PDE4B: variants seen among roughly 807,000 people sequenced by gnomAD.
PDE4B encodes phosphodiesterase 4B.
PDE4B carries 20 observed loss-of-function variants against 82.2 expected under a neutral mutation model. The observed-to-expected ratio is 0.24, with a 90% CI of 0.17 to 0.35. The LOEUF (loss-of-function observed/expected upper bound fraction) is 0.35, where lower values mean the gene tolerates loss of function less well. PDE4B is among the 10% of genes least tolerant of loss of function. The pLI, the probability that PDE4B is intolerant of heterozygous loss-of-function variation, is 1.00. For synonymous variants in PDE4B, 320 were observed against 318.9 expected, an observed-to-expected ratio of 1.00 and a Z score of -0.04; for missense variants, 655 against 907.2, an observed-to-expected ratio of 0.72 and a Z score of 3.57.
chr1:66,171,185 GA>G (rs1646830401), intron 3 of PDE4B, among the ~76,000 whole-genome samples: 1 of 151,960 alleles, frequency 6.6e-6, no homozygotes, highest in Admixed American at 6.6e-5. Flanking sequence ...AGGATTGGTA[GA>G]AAATATCAGA....
intron 3 of PDE4B, among the ~76,000 whole-genome samples, chr1:65,932,318 C>G (rs1392069607): frequency 6.6e-6 from 1 of 152,014 alleles, no homozygotes. Context: ...AATGATTCAA[C>G]TTTTCTGGGG....
At chr1:66,278,536 G>T (rs1039430399) in intron 7 of PDE4B, among the ~76,000 whole-genome samples, 1 of 152,186 alleles carries the variant, frequency 6.6e-6, no homozygotes, top group Non-Finnish European at 1.5e-5. Context: ...TGGAAGGACA[G>T]TCTCACCAAA....
At chr1:66,106,274 C>T (rs1645353016) in intron 3 of PDE4B, among the ~76,000 whole-genome samples, 1 of 151,440 alleles carries the variant, frequency 6.6e-6, no homozygotes, top group Admixed American at 6.6e-5. Context: ...AGCCTTGCAT[C>T]CCAGGGATGA....
chr1:66,031,069 T>C (rs1653747287), intron 3 of PDE4B, among the ~76,000 whole-genome samples: 1 of 152,146 alleles, frequency 6.6e-6, no homozygotes, highest in African/African-American at 2.4e-5. Flanking sequence ...CACAGGCAAT[T>C]TACCCATGTA....
chr1:65,838,277 CA>C lies in PDE4B; in HGVS notation c.-71+45036del, dbSNP rs1646164410. 4.0e-5 allele frequency among the ~76,000 whole-genome samples: 6 copies of C among 151,714 alleles called. No homozygotes were observed. In the South Asian group the frequency reaches 1.0e-3, roughly 26 times the overall value. On this transcript the variant is annotated intron_variant, in intron 1 of 16. Coordinates refer to ENST00000341517, the MANE Select transcript of PDE4B (RefSeq NM_002600.4). ...TTTGTTATTTTGTGTTCTAGATCAT[CA>C]AAAAAATGAATATTGACAAGAAATT...
intron 3 of PDE4B, among the ~76,000 whole-genome samples, chr1:65,987,583 C>T (rs537818041): frequency 6.6e-6 from 1 of 152,176 alleles, no homozygotes; most frequent in African/African-American, 2.4e-5. Flanking sequence ...GGATCAACTG[C>T]TTAAAAGCTA....
Position 65,795,048 on chromosome 1 carries a change from T to C in PDE4B, c.-71+1800T>C, listed in dbSNP as rs79246648. Among the ~76,000 whole-genome samples, 7 of 152,360 alleles carry C rather than the reference T, an allele frequency of 4.6e-5. No individual in the cohort carries two copies. In the East Asian group the frequency reaches 1.2e-3, roughly 25 times the overall value. On this transcript the variant is annotated intron_variant, in intron 1 of 16. Transcript: ENST00000341517. ...GATTTGAGGAATAAGAAATCAATCA[T>C]ACATGGTTTTCTGATCTTGGAGTCC...
At chr1:65,845,593 G>A (rs1424355750) in intron 1 of PDE4B, among the ~76,000 whole-genome samples, 4 of 152,108 alleles carry the variant, frequency 2.6e-5, no homozygotes, top group Non-Finnish European at 5.9e-5. Context: ...AATGTGGGCG[G>A]AATGAAGGAA....
At chr1:66,056,541 A>G (rs1437568709) in intron 3 of PDE4B, among the ~76,000 whole-genome samples, 1 of 151,182 alleles carries the variant, frequency 6.6e-6, no homozygotes, top group African/African-American at 2.4e-5. Flanking sequence ...TCATCTATCT[A>G]TCTATCTATC....
At chr1:65,875,827 G>A (rs577556559) in intron 1 of PDE4B, among the ~76,000 whole-genome samples, 1 of 150,374 alleles carries the variant, frequency 6.7e-6, no homozygotes, top group Non-Finnish European at 1.5e-5. Context: ...GGGAGGGATA[G>A]CATTGGGAGG....
intron 1 of PDE4B, among the ~76,000 whole-genome samples, chr1:65,907,075 T>C (rs1647035069): frequency 6.6e-6 from 1 of 152,194 alleles, no homozygotes; most frequent in African/African-American, 2.4e-5. Flanking sequence ...TAAAATGACC[T>C]TTCTTATTAC....
intron 1 of PDE4B, among the ~76,000 whole-genome samples, chr1:65,892,121 C>G (rs975199384): frequency 7.9e-5 from 12 of 152,048 alleles, no homozygotes; most frequent in Non-Finnish European, 1.5e-4. Context: ...CCATAGATTA[C>G]AGAATTCTAG....
chr1:66,165,362 G>A lies in PDE4B; in HGVS notation c.282-82098G>A, dbSNP rs138661823. Among the ~76,000 whole-genome samples the A allele has an allele frequency of 1.7e-3, 258 of 152,112 alleles. 2 individuals are homozygous for A. Among genetic ancestry groups the A allele is most frequent in the African/African-American group, 5.8e-3 (242 of 41,502 alleles). On this transcript the variant is annotated intron_variant, in intron 3 of 16. Coordinates refer to ENST00000341517, the MANE Select transcript of PDE4B (RefSeq NM_002600.4). Reference sequence around the variant, plus strand: ...TATTTTTTCTAAGACTATTATCTGAGGGGCAATGGATTTCTCTCAGGAAAC... The same window carrying A: ...TATTTTTTCTAAGACTATTATCTGAAGGGCAATGGATTTCTCTCAGGAAAC...
At chr1:66,047,387 G>A (rs1654774962) in intron 3 of PDE4B, among the ~76,000 whole-genome samples, 2 of 151,876 alleles carry the variant, frequency 1.3e-5, no homozygotes, top group South Asian at 2.1e-4. Flanking sequence ...TGGCTTCTAA[G>A]GTGGCTGTTA....
In PDE4B at chr1:66,127,792, T is replaced by C. The variant is rs1394418973; in HGVS notation, c.282-119668T>C. On this transcript the variant is annotated intron_variant, in intron 3 of 16. Transcript: ENST00000341517. ...CCAGGAGATATTATTGGCTCAAGAT[T>C]ACTGGCATCATAGTGTTGACTTTTT... is the stretch of plus-strand genomic sequence containing the variant. Among the ~76,000 whole-genome samples, 3 of 152,192 alleles carry C rather than the reference T, an allele frequency of 2.0e-5. No homozygotes were observed. The South Asian group carries it at 6.2e-4, about 31-fold the overall frequency.
chr1:65,962,034 T>G (rs1050466308), intron 3 of PDE4B, among the ~76,000 whole-genome samples: 1 of 152,194 alleles, frequency 6.6e-6, no homozygotes, highest in African/African-American at 2.4e-5. Context: ...AAAATGCACT[T>G]AATATACGTA....
chr1:66,069,286 T>C (rs905697121), intron 3 of PDE4B, among the ~76,000 whole-genome samples: 3 of 151,994 alleles, frequency 2.0e-5, no homozygotes, highest in Non-Finnish European at 4.4e-5. Flanking sequence ...GCATCCTCTG[T>C]TTCTTTTTGT....
chr1:65,840,185 G>T (rs1419454180), intron 1 of PDE4B, among the ~76,000 whole-genome samples: 1 of 152,124 alleles, frequency 6.6e-6, no homozygotes, highest in Non-Finnish European at 1.5e-5. Flanking sequence ...TTGTGTCTGT[G>T]TGTGTGTGTA....
chr1:66,018,345 A>G (rs762653641), intron 3 of PDE4B, among the ~76,000 whole-genome samples: 2 of 152,108 alleles, frequency 1.3e-5, no homozygotes, highest in South Asian at 2.1e-4. Flanking sequence ...GCGTGAACCC[A>G]GGAGGCGGAG....
Sources: allele counts gnomAD v4.1 joint callset (sites outside exome capture counted in the v4.1 genomes callset), GRCh38; gene constraint gnomAD v4.1.1; transcripts MANE v1.5; gene names NCBI Gene and HGNC (gene_info 2026-07-23, HGNC 2026-07-21).